The following AP3S1 variants were observed in gnomAD, a reference collection of about 807,000 sequenced individuals.
AP3S1 encodes AP-3 complex subunit sigma-1.
AP3S1 carries 12 observed loss-of-function variants against 21.3 expected under a neutral mutation model. That is an observed-to-expected ratio of 0.56 (90% CI 0.36 to 0.91). AP3S1 has a LOEUF of 0.91. AP3S1 is among the 40% of genes least tolerant of loss of function. The pLI is 0.01. For synonymous variants in AP3S1, 48 were observed against 78.4 expected (o/e 0.61, Z 2.05); for missense variants, 116 against 225.0 (o/e 0.52, Z 3.10).
chr5:115,862,475 C>T (rs1275899173), intron 1 of AP3S1, among the ~76,000 whole-genome samples: 2 of 152,012 alleles, frequency 1.3e-5, no homozygotes, highest in Admixed American at 6.5e-5. Context: ...AGAGACTGGA[C>T]GTGGTGCTAT....
chr5:115,893,180 T>C (rs893604194), intron 3 of AP3S1, among the ~76,000 whole-genome samples: 1 of 152,130 alleles, frequency 6.6e-6, no homozygotes, highest in African/African-American at 2.4e-5. Flanking sequence ...CCACAGTAAC[T>C]CCCATACCAA....
chr5:115,842,146 CG>C, intron 1 of AP3S1, 40 bp downstream of exon 1: 1 of 1,525,982 alleles, frequency 6.6e-7, no homozygotes, highest in Non-Finnish European at 8.8e-7. Flanking sequence ...GAGGGGGAGT[CG>C]TTGGCGACGG....
At chr5:115,882,424 T>A (rs1749378491) in intron 3 of AP3S1, among the ~76,000 whole-genome samples, 1 of 152,174 alleles carries the variant, frequency 6.6e-6, no homozygotes, top group Non-Finnish European at 1.5e-5. Context: ...TGCTATTCCT[T>A]TCTGATTGTT....
intron 3 of AP3S1, among the ~76,000 whole-genome samples, chr5:115,884,579 A>C (rs1325067297): frequency 6.6e-6 from 1 of 152,252 alleles, no homozygotes; most frequent in African/African-American, 2.4e-5. Context: ...CGTCTCCAAC[A>C]ACAACAACAA....
chr5:115,874,798 A>G (rs1476849123), intron 3 of AP3S1, among the ~76,000 whole-genome samples: 12 of 151,962 alleles, frequency 7.9e-5, no homozygotes, highest in Non-Finnish European at 1.2e-4. Flanking sequence ...GCTTGTTTCA[A>G]CATGTTGCCT....
intron 1 of AP3S1, 125 bp from the exon 2 acceptor site, chr5:115,866,545 C>A: frequency 2.0e-6 from 1 of 504,376 alleles, no homozygotes. Flanking sequence ...TAAGTCACTT[C>A]TCCAAGGACC....
At chr5:115,851,463 T>C (rs887989593) in intron 1 of AP3S1, among the ~76,000 whole-genome samples, 11 of 152,186 alleles carry the variant, frequency 7.2e-5, no homozygotes, top group African/African-American at 2.4e-4. Context: ...ACAAAGGTTC[T>C]AGTTTCTCTA....
intron 1 of AP3S1, among the ~76,000 whole-genome samples, chr5:115,858,934 ATTTATTT>A (rs947012724): frequency 9.1e-4 from 137 of 150,928 alleles, no homozygotes; most frequent in African/African-American, 2.7e-3. Context: ...AAAAAAATTT[ATTTATTT>A]TTTATTTTTT....
At chr5:115,884,859 G>A (rs943830688) in intron 3 of AP3S1, among the ~76,000 whole-genome samples, 1 of 152,000 alleles carries the variant, frequency 6.6e-6, no homozygotes, top group Non-Finnish European at 1.5e-5. Context: ...ATGTTGACTT[G>A]AGAGGCCCTG....
At chr5:115,885,146 T>G (rs1749669857) in intron 3 of AP3S1, among the ~76,000 whole-genome samples, 1 of 152,222 alleles carries the variant, frequency 6.6e-6, no homozygotes, top group Non-Finnish European at 1.5e-5. Context: ...AAAGACAACA[T>G]TAATGACTTT....
At chr5:115,898,014 C>A (rs1157844291) in intron 4 of AP3S1, among the ~76,000 whole-genome samples, 1 of 152,116 alleles carries the variant, frequency 6.6e-6, no homozygotes, top group South Asian at 2.1e-4. Flanking sequence ...GCTGCAGTAG[C>A]GAACATGGAA....
intron 4 of AP3S1, among the ~76,000 whole-genome samples, chr5:115,895,395 T>C (rs980724781): frequency 6.6e-6 from 1 of 152,122 alleles, no homozygotes; most frequent in Non-Finnish European, 1.5e-5. Flanking sequence ...TAATAGTATG[T>C]GTAGCATGTT....
At chr5:115,911,123 G>A (rs1752069441) in intron 5 of AP3S1, among the ~76,000 whole-genome samples, 8 of 151,974 alleles carry the variant, frequency 5.3e-5, no homozygotes, top group African/African-American at 7.2e-5. Flanking sequence ...GCCAACAGTC[G>A]ACACCATCTT....
At chr5:115,852,159 G>A (rs778536630) in intron 1 of AP3S1, among the ~76,000 whole-genome samples, 29 of 151,990 alleles carry the variant, frequency 1.9e-4, no homozygotes, top group Middle Eastern at 3.2e-3. Context: ...TACTCTTTGT[G>A]TTTTCTCAGA....
intron 1 of AP3S1, among the ~76,000 whole-genome samples, chr5:115,846,487 A>T (rs1466770468): frequency 6.6e-6 from 1 of 152,188 alleles, no homozygotes; most frequent in Non-Finnish European, 1.5e-5. Context: ...TTTTTTTAAT[A>T]AACTGTATTT....
At position 115,912,426 on chromosome 5, in the gene AP3S1, C is replaced by T. The variant is rs116261306; in HGVS notation, c.454-936C>T. Among the ~76,000 whole-genome samples the T allele has an allele frequency of 3.3e-3, 498 of 152,022 alleles. 5 individuals are homozygous for T. Among genetic ancestry groups the T allele is most frequent in the African/African-American group, 0.012 (489 of 41,530 alleles). ...AAACCTCAAATATGAAGGCTGTTAA[C>T]GTAGGTGAGAAAAATGATATGTATG... On this transcript the variant is annotated intron_variant, in intron 5 of 5. Coordinates refer to ENST00000316788, the MANE Select transcript of AP3S1 (RefSeq NM_001284.4).
intron 1 of AP3S1, 145 bp downstream of exon 1, chr5:115,842,251 C>A: frequency 7.7e-7 from 1 of 1,294,230 alleles, no homozygotes; most frequent in Non-Finnish European, 1.0e-6. Context: ...AGCTGTCAGC[C>A]TCCTGGTGGG....
chr5:115,909,708 C>T (rs1213688271), intron 5 of AP3S1, among the ~76,000 whole-genome samples: 1 of 152,060 alleles, frequency 6.6e-6, no homozygotes, highest in African/African-American at 2.4e-5. Flanking sequence ...AATCTTAAAT[C>T]TTTAAGAACT....
chr5:115,893,628 C>G (rs1158972057), intron 3 of AP3S1, among the ~76,000 whole-genome samples: 1 of 152,020 alleles, frequency 6.6e-6, no homozygotes. Flanking sequence ...CAGGAAGAAA[C>G]CTTAGATTGT....
Sources: gnomAD v4.1 joint callset for allele counts (sites outside exome capture counted in the v4.1 genomes callset) on GRCh38, gnomAD v4.1.1 for gene constraint, MANE v1.5 for transcripts, NCBI Gene and HGNC (gene_info 2026-07-23, HGNC 2026-07-21) for gene names.